The following DAB1 variants were observed in gnomAD, a reference collection of about 807,000 sequenced individuals.
The protein encoded by DAB1 is disabled homolog 1.
In DAB1, 15 loss-of-function variants were observed where a neutral mutation model predicts 64.6. The ratio of observed to expected loss-of-function variants is 0.23; its 90% confidence interval spans 0.16 to 0.36. DAB1 has a LOEUF of 0.36. DAB1 is among the 10% of genes least tolerant of loss of function. The pLI is 1.00. For synonymous variants in DAB1, 235 were observed against 251.9 expected (o/e 0.93, Z 0.64); for missense variants, 596 against 706.7 (o/e 0.84, Z 1.78).
chr1:57,980,936 TATAG>T lies in DAB1; in HGVS notation n.388-96778_388-96775del, dbSNP rs921026196. Among the ~76,000 whole-genome samples, 30 of 151,556 alleles carry T rather than the reference TATAG, an allele frequency of 2.0e-4. No homozygotes were observed. The East Asian group carries it at 2.9e-3, about 15-fold the overall frequency. ...ATACACACACACACACACACATAGA[TATAG>T]ATAGATAAACATATATATATATGAA... On this transcript the variant is annotated intron_variant and non_coding_transcript_variant, in intron 5 of 20. Coordinates refer to the DAB1 transcript ENST00000485760.
At position 57,991,864 on chromosome 1, in the gene DAB1, A is replaced by AAAC. The variant is rs1557599941; in HGVS notation, n.388-107703_388-107702insGTT. On this transcript the variant is annotated intron_variant and non_coding_transcript_variant, in intron 5 of 20. Transcript: ENST00000485760. ...CTGTCTCAAAAAAAAAAAAAAAAAAAAAAAAGGAGTAGGCCAGAGAACGCT... is the reference window on the plus strand; with the variant it reads ...CTGTCTCAAAAAAAAAAAAAAAAAAAAACAAAAAGGAGTAGGCCAGAGAACGCT... Among the ~76,000 whole-genome samples the AAAC allele has an allele frequency of 6.7e-4, 101 of 149,962 alleles. 1 individual carries two copies. The highest frequency in any genetic ancestry group is 2.2e-3 in the African/African-American group (90 of 40,490).
chr1:57,124,296 C>G (rs1293355196), intron 4 of DAB1, among the ~76,000 whole-genome samples: 5 of 152,104 alleles, frequency 3.3e-5, no homozygotes. Flanking sequence ...CAGACTTTGA[C>G]AGCATGGAAA....
intron 2 of DAB1, among the ~76,000 whole-genome samples, chr1:58,515,348 T>C (rs1646143437): frequency 6.6e-6 from 1 of 152,240 alleles, no homozygotes; most frequent in Non-Finnish European, 1.5e-5. Flanking sequence ...GTTGGTCATT[T>C]AATCTTAATT....
chr1:58,414,027 C>T (rs1427545839), intron 3 of DAB1, among the ~76,000 whole-genome samples: 6 of 152,146 alleles, frequency 3.9e-5, no homozygotes, highest in Non-Finnish European at 8.8e-5. Flanking sequence ...GTACTGAATA[C>T]TATAGGCAAT....
At chr1:57,867,798 T>A (rs1271497935) in intron 1 of DAB1, among the ~76,000 whole-genome samples, 4 of 152,152 alleles carry the variant, frequency 2.6e-5, no homozygotes, top group Non-Finnish European at 5.9e-5. Flanking sequence ...TCCAGTGCCC[T>A]TTCTGTGATG....
intron 5 of DAB1, 128 bp downstream of exon 5, chr1:57,072,155 G>C: frequency 9.9e-7 from 1 of 1,007,208 alleles, no homozygotes; most frequent in Non-Finnish European, 1.5e-6. Flanking sequence ...GGGAATGTGA[G>C]CATCAACTTC....
rs763060862 is a variant in DAB1, at chr1:57,695,299, G to GGAAAGAAAGAAA, written n.552-45646_552-45635dup. Among the ~76,000 whole-genome samples the GGAAAGAAAGAAA allele has an allele frequency of 3.1e-3, 115 of 37,176 alleles. 3 individuals carry two copies. Among genetic ancestry groups the GGAAAGAAAGAAA allele is most frequent in the Admixed American group, 3.6e-3 (11 of 3,014 alleles). 24.4% of individuals were successfully genotyped at this position (37,176 alleles called of 152,430 possible). ...AAGGAAGGAAGAAAGGGAGAGAGAA[G>GGAAAGAAAGAAA]GAAAGAAAGAAAGAAAGAAAGAAAG... On this transcript the variant is annotated intron_variant and non_coding_transcript_variant, in intron 6 of 20. Transcript: ENST00000485760.
At chr1:57,700,489 C>A (rs1237448954) in intron 6 of DAB1, among the ~76,000 whole-genome samples, 1 of 152,124 alleles carries the variant, frequency 6.6e-6, no homozygotes, top group Non-Finnish European at 1.5e-5. Flanking sequence ...GGATATTTGT[C>A]TAAGCACTTT....
At position 57,011,161 on chromosome 1, in the gene DAB1, C is replaced by T; in HGVS notation, c.1556G>A (p.Ser519Asn). The T allele has an allele frequency of 1.2e-6, 2 of 1,614,044 alleles. No homozygotes were observed. The highest frequency in any genetic ancestry group is 8.5e-7 in the Non-Finnish European group (1 of 1,179,910). ...GTCACTTACAGCTTCTTGCTCTTCGCTTTTGCTGGGACTTTCAAAGCCCTC... is the reference window on the plus strand; with the variant it reads ...GTCACTTACAGCTTCTTGCTCTTCGTTTTTGCTGGGACTTTCAAAGCCCTC... The part of the protein sequence containing the change: ...FEEGFESPSK[S>N]EEQEAPDGSQ... Residue 519 changes from serine (S) to asparagine (N), a missense_variant, in exon 13 of 15, where the codon AGC becomes AAC. Physicochemically the swap from Ser to Asn is conservative, Grantham distance 46. Transcript: ENST00000371236.
chr1:58,347,244 A>G (rs1220732788), intron 3 of DAB1, among the ~76,000 whole-genome samples: 2 of 152,174 alleles, frequency 1.3e-5, no homozygotes, highest in Non-Finnish European at 2.9e-5. Context: ...AGTAGCGTGC[A>G]TTACAGGCAT....
chr1:57,104,364 C>G (rs1389187749), intron 4 of DAB1, among the ~76,000 whole-genome samples: 1 of 152,074 alleles, frequency 6.6e-6, no homozygotes, highest in African/African-American at 2.4e-5. Context: ...TAGTCCTTCA[C>G]CACAGATAGT....
chr1:58,341,959 T>G (rs1199955308), intron 4 of DAB1, among the ~76,000 whole-genome samples: 3 of 152,146 alleles, frequency 2.0e-5, no homozygotes, highest in Admixed American at 1.3e-4. Context: ...CTAAGATATA[T>G]AGCTTGAAAA....
At chr1:58,002,531 G>C (rs1314674480) in intron 5 of DAB1, among the ~76,000 whole-genome samples, 1 of 152,078 alleles carries the variant, frequency 6.6e-6, no homozygotes, top group African/African-American at 2.4e-5. Flanking sequence ...TACAGGTTCT[G>C]GCTTATGGCT....
intron 6 of DAB1, among the ~76,000 whole-genome samples, chr1:57,688,711 T>C (rs925831519): frequency 6.6e-6 from 1 of 152,212 alleles, no homozygotes. Context: ...GTGGTACATA[T>C]ATACCATGAA....
intron 3 of DAB1, chr1:58,415,553 A>G (rs1010589568): frequency 1.1e-5 from 2 of 175,820 alleles, no homozygotes; most frequent in African/African-American, 4.8e-5. Context: ...AAAAATATGT[A>G]TGCATTCAGA....
At position 57,477,076 on chromosome 1, in the gene DAB1, C is replaced by T. The variant is rs1643947395; in HGVS notation, n.625+172516G>A. 8.5e-5 allele frequency among the ~76,000 whole-genome samples: 13 copies of T among 152,288 alleles called. No individual in the cohort carries two copies. In the South Asian group the frequency reaches 2.7e-3, roughly 32 times the overall value. On this transcript the variant is annotated intron_variant and non_coding_transcript_variant, in intron 7 of 20. Coordinates refer to the DAB1 transcript ENST00000485760. ...ACCTGGCACATAGTAAAAGCCTAAT[C>T]AAGGCTTCACAGAAGAAACTGTGTC...
At chr1:58,493,453 A>G (rs2100384155) in intron 3 of DAB1, among the ~76,000 whole-genome samples, 1 of 151,980 alleles carries the variant, frequency 6.6e-6, no homozygotes, top group Middle Eastern at 3.4e-3. Flanking sequence ...AGGGTATTCA[A>G]TTAGGAAAAG....
intron 3 of DAB1, among the ~76,000 whole-genome samples, chr1:58,433,879 C>T (rs1644912647): frequency 6.6e-6 from 1 of 152,038 alleles, no homozygotes; most frequent in Non-Finnish European, 1.5e-5. Flanking sequence ...GGGACACATT[C>T]AAACCATAGC....
intron 9 of DAB1, 81 bp downstream of exon 9, chr1:57,062,803 G>T: frequency 8.5e-7 from 1 of 1,174,936 alleles, no homozygotes; most frequent in Non-Finnish European, 1.3e-6. Context: ...CCAGGAGAAG[G>T]GTTTCCTTCC....
Sources: allele counts gnomAD v4.1 joint callset (sites outside exome capture counted in the v4.1 genomes callset), GRCh38; gene constraint gnomAD v4.1.1; transcripts MANE v1.5; gene names NCBI Gene and HGNC (gene_info 2026-07-23, HGNC 2026-07-21).